PIK3CD: variants seen among roughly 807,000 people sequenced by gnomAD.
PIK3CD encodes phosphatidylinositol 4,5-bisphosphate 3-kinase catalytic subunit delta isoform.
A neutral mutation model predicts 122.9 loss-of-function variants in PIK3CD; 20 were observed. The ratio of observed to expected loss-of-function variants is 0.16; its 90% CI spans 0.11 to 0.24. PIK3CD has a LOEUF of 0.24. Among genes scored for constraint, PIK3CD ranks in the 10% least tolerant of loss-of-function variants. The probability of loss-of-function intolerance (pLI) is 1.00; values close to 1 mark genes in which losing one functional copy is unlikely to be tolerated. For synonymous variants in PIK3CD, 596 were observed against 593.4 expected (o/e 1.00, Z -0.06); for missense variants, 787 against 1,406.3 (o/e 0.56, Z 7.04).
In PIK3CD at chr1:9,675,034, A is replaced by AG. The variant is rs1430843914; in HGVS notation, c.-137-16433_-137-16432insG. Among the ~76,000 whole-genome samples the AG allele has an allele frequency of 7.7e-4, 112 of 145,202 alleles. 1 individual carries two copies. In the South Asian group the frequency reaches 0.023, roughly 30 times the overall value. ...CTGGGCAATGTAAAAAAAAAAAAAA[A>AG]AAAGAGAGAGAGAGAAAGAAAGAAA... On this transcript the variant is annotated intron_variant, in intron 1 of 23. Transcript: ENST00000377346.
At chr1:9,725,042 G>C in intron 23 of PIK3CD, 106 bp downstream of exon 23, 1 of 1,374,498 alleles carries the variant, frequency 7.3e-7, no homozygotes, top group Non-Finnish European at 1.0e-6. Context: ...AAAGGGCACT[G>C]AGCTGTGTGT....
At chr1:9,708,574 C>T (rs1356332461) in intron 2 of PIK3CD, among the ~76,000 whole-genome samples, 2 of 152,044 alleles carry the variant, frequency 1.3e-5, no homozygotes, top group Admixed American at 6.6e-5. Context: ...GACGTCGGGC[C>T]CAGTGGCTCA....
Position 9,723,500 on chromosome 1 carries a change from C to T in PIK3CD, c.2594+208C>T, listed in dbSNP as rs1649016978. On this transcript the variant is annotated intron_variant, in intron 20 of 23. Coordinates refer to ENST00000377346, the MANE Select transcript of PIK3CD (RefSeq NM_005026.5). This position sits in a 1 kb window ranked among gnomAD's most constrained non-coding sequence, Gnocchi z 4.9. ...AGTGTCTCTTGCTATGCAACACCATCCAAAGCGCAGGGCTTTAAAAAACAG... is the reference window on the plus strand; with the variant it reads ...AGTGTCTCTTGCTATGCAACACCATTCAAAGCGCAGGGCTTTAAAAAACAG... Among the ~76,000 whole-genome samples the T allele has an allele frequency of 6.6e-6, 1 of 152,232 alleles. No homozygotes were observed. The highest frequency in any genetic ancestry group is 2.1e-4 in the South Asian group (1 of 4,826).
rs1173348213 is a variant in PIK3CD, at chr1:9,704,091, A to G, written c.-32-6333A>G. On this transcript the variant is annotated intron_variant, in intron 2 of 23. Coordinates refer to ENST00000377346, the MANE Select transcript of PIK3CD (RefSeq NM_005026.5). This position sits in a 1 kb window ranked among gnomAD's most constrained non-coding sequence, Gnocchi z 5.0. Reference sequence around the variant, plus strand: ...GTTAGGGCTGGTTGGCCACTGTGCTAGAGAGAGGTTCTTAGCCCAGAGAGA... The same window carrying G: ...GTTAGGGCTGGTTGGCCACTGTGCTGGAGAGAGGTTCTTAGCCCAGAGAGA... 6.6e-6 allele frequency among the ~76,000 whole-genome samples: 1 copy of G among 152,142 alleles called. No individual in the cohort carries two copies. The highest frequency in any genetic ancestry group is 1.5e-5 in the Non-Finnish European group (1 of 68,028).
At chr1:9,649,302 C>G (rs1644635605), upstream of PIK3CD, among the ~76,000 whole-genome samples, 1 of 151,954 alleles carries the variant, frequency 6.6e-6, no homozygotes, top group South Asian at 2.1e-4. Context: ...ACAGTTATGG[C>G]TCACTGCAGT....
chr1:9,695,831 G>A (rs1437947481), intron 2 of PIK3CD, among the ~76,000 whole-genome samples: 5 of 143,622 alleles, frequency 3.5e-5, no homozygotes, highest in East Asian at 2.0e-4. Context: ...GTGACAGAGC[G>A]AGACTCAGTC....
the PIK3CD span, among the ~76,000 whole-genome samples, chr1:9,633,100 A>G: frequency 6.6e-6 from 1 of 151,876 alleles, no homozygotes; most frequent in Non-Finnish European, 1.5e-5. Context: ...TGACCTCGTG[A>G]TCCGCCCGCC....
At position 9,720,484 on chromosome 1, in the gene PIK3CD, G is replaced by A. The variant is rs1199594043; in HGVS notation, c.1471-127G>A. On this transcript the variant is annotated intron_variant, in intron 11 of 23. Transcript: ENST00000377346. This position sits in a 1 kb window ranked among gnomAD's most constrained non-coding sequence, Gnocchi z 9.0. ...CTCGTGAGTGGAGGCCAGAGCTGCTGTGGATGCGCCTCCATGCAGAGGACA... is the reference window on the plus strand; with the variant it reads ...CTCGTGAGTGGAGGCCAGAGCTGCTATGGATGCGCCTCCATGCAGAGGACA... The A allele has an allele frequency of 2.0e-6, 3 of 1,505,962 alleles. No homozygotes were observed. In the South Asian group the frequency reaches 3.8e-5, roughly 19 times the overall value. The allele number at this position is 1,505,962 out of a possible 1,614,324, so 93.3% of individuals were successfully genotyped here.
rs1646598019 is a variant in PIK3CD, at chr1:9,700,790, A to T, written c.-33+9219A>T. ...GGGGCTCCGGCTGTCTTATCCCACC[A>T]GAAATCTCTTCCTTTCCTGTCTCAG... On this transcript the variant is annotated intron_variant, in intron 2 of 23. Coordinates refer to ENST00000377346, the MANE Select transcript of PIK3CD (RefSeq NM_005026.5). This position sits in a 1 kb window ranked among gnomAD's most constrained non-coding sequence, Gnocchi z 5.1. Among the ~76,000 whole-genome samples the T allele has an allele frequency of 6.6e-6, 1 of 152,120 alleles. No individual in the cohort carries two copies.
chr1:9,628,410 A>G, the PIK3CD span, among the ~76,000 whole-genome samples: 1 of 152,244 alleles, frequency 6.6e-6, no homozygotes, highest in Admixed American at 6.5e-5. Flanking sequence ...CTCACATTTT[A>G]TGGGGGTTCA....
chr1:9,712,468 AC>A (rs1253725310), intron 3 of PIK3CD, among the ~76,000 whole-genome samples: 23 of 151,974 alleles, frequency 1.5e-4, no homozygotes, highest in African/African-American at 5.6e-4. Flanking sequence ...TTTAGTAGAG[AC>A]GGGGTTTCAC....
intron 1 of PIK3CD, among the ~76,000 whole-genome samples, chr1:9,670,114 C>T (rs188112462): frequency 6.9e-6 from 1 of 145,140 alleles, no homozygotes; most frequent in East Asian, 2.0e-4. Flanking sequence ...GCAGAGGTTG[C>T]ACTCCAGCCT....
intron 2 of PIK3CD, among the ~76,000 whole-genome samples, chr1:9,699,211 G>A (rs1216199222): frequency 2.0e-5 from 3 of 152,004 alleles, no homozygotes; most frequent in Non-Finnish European, 2.9e-5. Context: ...CCCTCTCTGC[G>A]AACCGTGCCA....
rs371336444 is a variant in PIK3CD at position 9,715,690 on chromosome 1, C to T, written c.291C>T (p.Pro97=). 28 of 1,613,540 alleles carry T rather than the reference C, an allele frequency of 1.7e-5. No individual in the cohort carries two copies. Among genetic ancestry groups the T allele is most frequent in the Middle Eastern group, 1.6e-4 (1 of 6,084 alleles). The change falls in exon 4 of 24, where the codon CCC becomes CCT. Residue 97 remains proline (P), a synonymous_variant. Coordinates refer to ENST00000377346, the MANE Select transcript of PIK3CD (RefSeq NM_005026.5). This position sits in a 1 kb window ranked among gnomAD's most constrained non-coding sequence, Gnocchi z 4.1. ...RRLCDVQPFL[P]VLRLVAREGD... ...TGTGTGACGTGCAGCCCTTCCTGCC[C>T]GTCCTGCGCCTGGTGGCCCGTGAGG...
intron 2 of PIK3CD, among the ~76,000 whole-genome samples, chr1:9,701,498 C>G (rs1159357416): frequency 6.6e-6 from 1 of 152,010 alleles, no homozygotes; most frequent in African/African-American, 2.4e-5. Flanking sequence ...ATGGCAAAAC[C>G]CTGTCTCTAC....
chr1:9,652,043 C>T lies in PIK3CD; in HGVS notation c.-138+241C>T, dbSNP rs1244271949. ...CTGCCCTAGAGGCCCGGGGCCGTCC[C>T]CCGTGGGCCCGCCGAGAGGGGCGTG... On this transcript the variant is annotated intron_variant, in intron 1 of 23. Coordinates refer to ENST00000377346, the MANE Select transcript of PIK3CD (RefSeq NM_005026.5). The surrounding 1 kb of genome is among the most constrained non-coding windows in gnomAD (Gnocchi z 6.2). Among the ~76,000 whole-genome samples the T allele has an allele frequency of 6.6e-6, 1 of 151,830 alleles. No individual in the cohort carries two copies. Among genetic ancestry groups the T allele is most frequent in the African/African-American group, 2.4e-5 (1 of 41,396 alleles).
chr1:9,651,053 C>T (rs1644663074), upstream of PIK3CD, among the ~76,000 whole-genome samples: 1 of 152,108 alleles, frequency 6.6e-6, no homozygotes, highest in South Asian at 2.1e-4. Flanking sequence ...CCTATGTTGC[C>T]CAGGCTGGCT....
At chr1:9,695,722 A>G (rs549827477) in intron 2 of PIK3CD, among the ~76,000 whole-genome samples, 47 of 151,938 alleles carry the variant, frequency 3.1e-4, no homozygotes, top group Non-Finnish European at 5.2e-4. Context: ...TGTGCCTGTA[A>G]TCCCAGCTAC....
At chr1:9,665,123 G>C (rs1645119250) in intron 1 of PIK3CD, among the ~76,000 whole-genome samples, 1 of 149,290 alleles carries the variant, frequency 6.7e-6, no homozygotes. Context: ...AGGATTGCCT[G>C]AGCCCTGGAG....
Sources: gnomAD v4.1 joint callset for allele counts (sites outside exome capture counted in the v4.1 genomes callset) on GRCh38, gnomAD v4.1.1 for gene constraint, Gnocchi (gnomAD v3.1) non-coding constraint, MANE v1.5 for transcripts, NCBI Gene and HGNC (gene_info 2026-07-23, HGNC 2026-07-21) for gene names.